Variants in PTPRD observed in about 807,000 individuals in gnomAD.
PTPRD encodes the protein receptor-type tyrosine-protein phosphatase delta.
A neutral mutation model predicts 214.5 loss-of-function variants in PTPRD; 34 were observed. That is an observed-to-expected ratio of 0.16 (90% CI 0.12 to 0.21). The LOEUF (loss-of-function observed/expected upper bound fraction) is 0.21, where lower values mean the gene tolerates loss of function less well. PTPRD is among the 10% of genes least tolerant of loss of function. PTPRD has a pLI of 1.00. For synonymous variants in PTPRD, 1,128 were observed against 845.7 expected, an observed-to-expected ratio of 1.33 and a Z score of -5.79; for missense variants, 2,545 against 2,398.7, an observed-to-expected ratio of 1.06 and a Z score of -1.27.
intron 18 of PTPRD, 107 bp from the exon 19 acceptor site, chr9:8,523,631 T>C (rs2097936850): frequency 8.5e-7 from 1 of 1,171,588 alleles, no homozygotes. Context: ...TTTCAACTGC[T>C]ACTTGAACAT....
At chr9:8,596,981 C>G (rs1018915922) in intron 14 of PTPRD, among the ~76,000 whole-genome samples, 12 of 152,038 alleles carry the variant, frequency 7.9e-5, no homozygotes, top group African/African-American at 2.9e-4. Flanking sequence ...GTGCTGTTAA[C>G]AGAAACAGCT....
At chr9:9,101,697 G>A (rs533146256) in intron 10 of PTPRD, among the ~76,000 whole-genome samples, 1 of 152,306 alleles carries the variant, frequency 6.6e-6, no homozygotes, top group African/African-American at 2.4e-5. Context: ...CATGATGTGT[G>A]CCTGTCACTT....
Position 9,698,669 on chromosome 9 carries a change from G to A in PTPRD, c.-287+35864C>T, listed in dbSNP as rs551296641. Among the ~76,000 whole-genome samples the A allele has an allele frequency of 7.9e-5, 12 of 152,262 alleles. No individual in the cohort carries two copies. In the South Asian group the frequency reaches 2.3e-3, roughly 29 times the overall value. On this transcript the variant is annotated intron_variant, in intron 7 of 45. Coordinates refer to ENST00000381196, the MANE Select transcript of PTPRD (RefSeq NM_002839.4). ...ATTTCTGCCTTCACGCCCTCCCAAT[G>A]CTTCCTATGGGTTGAGGCAGGAACA...
At chr9:9,954,623 A>G (rs1343849994) in intron 4 of PTPRD, among the ~76,000 whole-genome samples, 4 of 152,054 alleles carry the variant, frequency 2.6e-5, no homozygotes, top group African/African-American at 4.8e-5. Context: ...AATATTAACT[A>G]GTTTTCTTTT....
At chr9:8,587,869 C>G (rs1301286519) in intron 14 of PTPRD, among the ~76,000 whole-genome samples, 1 of 152,098 alleles carries the variant, frequency 6.6e-6, no homozygotes, top group Non-Finnish European at 1.5e-5. Context: ...TTCCACTGAC[C>G]AGATGAAAAT....
intron 12 of PTPRD, among the ~76,000 whole-genome samples, chr9:8,661,252 G>C (rs2097044305): frequency 6.6e-6 from 1 of 152,034 alleles, no homozygotes; most frequent in Admixed American, 6.6e-5. Flanking sequence ...AAATCCTAAA[G>C]GAGAAATCGC....
At chr9:8,757,342 GA>G (rs891023784) in intron 11 of PTPRD, among the ~76,000 whole-genome samples, 2 of 152,078 alleles carry the variant, frequency 1.3e-5, no homozygotes, top group Non-Finnish European at 2.9e-5. Flanking sequence ...GTTTGAATGA[GA>G]ATATGTAGAA....
chr9:9,314,735 C>G (rs935863289), intron 9 of PTPRD, among the ~76,000 whole-genome samples: 1 of 151,952 alleles, frequency 6.6e-6, no homozygotes, highest in African/African-American at 2.4e-5. Context: ...GAGCCAGTGT[C>G]GAAATGAATG....
chr9:10,189,885 A>G (rs192718591), intron 3 of PTPRD, among the ~76,000 whole-genome samples: 6 of 152,236 alleles, frequency 3.9e-5, no homozygotes, highest in Admixed American at 3.3e-4. Context: ...TTAAAGGTAC[A>G]GCAGGGTATG....
intron 5 of PTPRD, among the ~76,000 whole-genome samples, chr9:9,821,395 C>CAA (rs2050686168): frequency 3.9e-5 from 6 of 152,150 alleles, no homozygotes; most frequent in Non-Finnish European, 8.8e-5. Context: ...TTGTGTGTGG[C>CAA]TTTCCCTCTA....
intron 11 of PTPRD, among the ~76,000 whole-genome samples, chr9:8,909,122 T>A (rs1322896335): frequency 6.6e-6 from 1 of 151,830 alleles, no homozygotes; most frequent in African/African-American, 2.4e-5. Flanking sequence ...AGAAAATAAA[T>A]TCAGCTGGGA....
At chr9:8,816,072 G>C (rs538128929) in intron 11 of PTPRD, among the ~76,000 whole-genome samples, 1 of 152,150 alleles carries the variant, frequency 6.6e-6, no homozygotes, top group Non-Finnish European at 1.5e-5. Context: ...CCACTACTAA[G>C]GATTTTAAAT....
chr9:8,713,241 C>A lies in PTPRD; in HGVS notation c.64+20539G>T, dbSNP rs1372994201. Reference sequence around the variant, plus strand: ...TATCCAGTTCGCTCCTAAACTGAGTCTCCAATTGTCCACTTAAAATCTTTA... The same window carrying A: ...TATCCAGTTCGCTCCTAAACTGAGTATCCAATTGTCCACTTAAAATCTTTA... On this transcript the variant is annotated intron_variant, in intron 12 of 45. Coordinates refer to ENST00000381196, the MANE Select transcript of PTPRD (RefSeq NM_002839.4). 8.0e-6 allele frequency: 5 copies of A among 624,950 alleles called. No homozygotes were observed. In the Admixed American group the frequency reaches 1.1e-4, roughly 14 times the overall value. The allele number at this position is 624,950 out of a possible 1,614,324, so 38.7% of individuals were successfully genotyped here.
At chr9:8,927,162 T>G (rs532916400) in intron 11 of PTPRD, among the ~76,000 whole-genome samples, 1 of 152,110 alleles carries the variant, frequency 6.6e-6, no homozygotes, top group African/African-American at 2.4e-5. Context: ...ATAAGAGTCC[T>G]ACCTCTACAC....
chr9:8,657,900 T>C (rs1483498403), intron 12 of PTPRD, among the ~76,000 whole-genome samples: 2 of 152,232 alleles, frequency 1.3e-5, no homozygotes, highest in Non-Finnish European at 2.9e-5. Context: ...TTATTTCTTA[T>C]AATAATGTTT....
At chr9:10,132,689 A>C (rs2098905033) in intron 3 of PTPRD, among the ~76,000 whole-genome samples, 1 of 152,202 alleles carries the variant, frequency 6.6e-6, no homozygotes, top group African/African-American at 2.4e-5. Flanking sequence ...ATAAATGAGT[A>C]AGAGATCAGG....
chr9:10,250,500 A>G (rs2092671970), intron 3 of PTPRD, among the ~76,000 whole-genome samples: 1 of 152,094 alleles, frequency 6.6e-6, no homozygotes, highest in South Asian at 2.1e-4. Flanking sequence ...GGGCTTGGCT[A>G]TTTTCAAGCT....
At chr9:8,395,826 A>G (rs2090993656) in intron 36 of PTPRD, among the ~76,000 whole-genome samples, 2 of 152,056 alleles carry the variant, frequency 1.3e-5, no homozygotes, top group African/African-American at 4.8e-5. Flanking sequence ...GACACAGGAA[A>G]GTAGACGGCT....
intron 11 of PTPRD, among the ~76,000 whole-genome samples, chr9:8,938,219 G>C (rs1483663610): frequency 6.6e-6 from 1 of 151,946 alleles, no homozygotes; most frequent in African/African-American, 2.4e-5. Context: ...ATTATCTATA[G>C]GAGTTGGCAA....
Sources: gnomAD v4.1 joint callset for allele counts (sites outside exome capture counted in the v4.1 genomes callset) on GRCh38, gnomAD v4.1.1 for gene constraint, MANE v1.5 for transcripts, NCBI Gene and HGNC (gene_info 2026-07-23, HGNC 2026-07-21) for gene names.